DHCR7: variants seen among roughly 807,000 people sequenced by gnomAD.
The protein encoded by DHCR7 is 7-DHC reductase.
Under a neutral mutation model 43.3 loss-of-function variants are expected in DHCR7, and 40 were observed. The ratio of observed to expected loss-of-function variants is 0.92; its 90% CI spans 0.72 to 1.20. The LOEUF is 1.20. Ranked by LOEUF, DHCR7 falls within the 50% of genes most tolerant of loss-of-function variation. DHCR7 has a pLI of 0.00. For missense variants in DHCR7, 608 were observed against 644.6 expected (o/e 0.94, Z 0.62); for synonymous variants, 298 against 271.4 (o/e 1.10, Z -0.96).
rs28364773 is a variant in DHCR7, at chr11:71,439,144, C to T, written c.627-61G>A. 8,749 of 1,506,764 alleles carry T rather than the reference C, an allele frequency of 5.8e-3. 240 individuals are homozygous for T. In the East Asian group the frequency reaches 0.07, roughly 12 times the overall value. 93.3% of individuals were successfully genotyped at this position (1,506,764 alleles called of 1,614,324 possible). On this transcript the variant is annotated intron_variant, in intron 6 of 8. Coordinates refer to ENST00000355527, the MANE Select transcript of DHCR7 (RefSeq NM_001360.3). ...GAGCATATCTCACAAGATGAAGCCA[C>T]CTTACTTAGCGAGAGCCCAGCACTG...
upstream of DHCR7, chr11:71,448,841 AG>A (rs1047569608): frequency 1.3e-5 from 2 of 152,328 alleles, no homozygotes; most frequent in Admixed American, 1.3e-4. Context: ...TCTTGGTCCT[AG>A]GGCTCACGTC....
chr11:71,436,966 G>T lies in DHCR7; in HGVS notation c.963+846C>A, dbSNP rs528010105. ...TGGAAAATGGAGTTTATAAAACCAG[G>T]GAACCAGCAGACCTGCAGCCAGCCA... On this transcript the variant is annotated intron_variant, in intron 8 of 8. Transcript: ENST00000355527. Among the ~76,000 whole-genome samples, 32 of 152,164 alleles carry T rather than the reference G, an allele frequency of 2.1e-4. 1 individual carries two copies. The highest frequency in any genetic ancestry group is 1.0e-4 in the Non-Finnish European group (7 of 68,026).
chr11:71,429,470 G>A (rs1042089199), downstream of DHCR7, among the ~76,000 whole-genome samples: 1 of 152,188 alleles, frequency 6.6e-6, no homozygotes, highest in Admixed American at 6.5e-5. Flanking sequence ...AGCCTGGGAC[G>A]GGGGCACCCG....
At chr11:71,444,367 G>T in intron 3 of DHCR7, 152 bp from the exon 4 acceptor site, 1 of 673,886 alleles carries the variant, frequency 1.5e-6, no homozygotes, top group Non-Finnish European at 2.7e-6. Context: ...CCTCCTTGCG[G>T]CCAGGGAAGC....
chr11:71,441,430 G>T lies in DHCR7; in HGVS notation c.423C>A (p.Asn141Lys). 6.2e-7 allele frequency: 1 copy of T among 1,612,728 alleles called. No individual in the cohort carries two copies. Among genetic ancestry groups the T allele is most frequent in the Non-Finnish European group, 8.5e-7 (1 of 1,179,170 alleles). The change falls in exon 6 of 9, where the codon AAC (asparagine) becomes AAA (lysine). Residue 141 changes from asparagine (N) to lysine (K), a missense_variant. Physicochemically the swap from Asn to Lys is moderately conservative, Grantham distance 94. Transcript: ENST00000355527. Reference protein sequence around the residue: ...EGAVTPAGVVNKYQINGLQAW... With the variant: ...EGAVTPAGVVKKYQINGLQAW... ...CTTGCAGGCCATTGATCTGATACTT[G>T]TTCACAACCCCTGCAGATGAAGGAT...
chr11:71,433,515 A>G (rs1027456875), downstream of DHCR7, among the ~76,000 whole-genome samples: 1 of 152,228 alleles, frequency 6.6e-6, no homozygotes, highest in African/African-American at 2.4e-5. Context: ...CTGAACCAAG[A>G]GCTCTCCCAG....
chr11:71,442,016 G>A (rs1260162159), intron 5 of DHCR7, among the ~76,000 whole-genome samples: 2 of 152,198 alleles, frequency 1.3e-5, no homozygotes, highest in African/African-American at 4.8e-5. Context: ...TGCATCCCCT[G>A]CTATGGGGCT....
chr11:71,439,115 G>A (rs776941576), intron 6 of DHCR7, 32 bp from the exon 7 acceptor site: 2 of 1,588,260 alleles, frequency 1.3e-6, no homozygotes, highest in Admixed American at 3.4e-5. Flanking sequence ...TACATTTAGT[G>A]GATGAGCATA....
chr11:71,435,454 C>A lies in DHCR7; in HGVS notation c.1349G>T (p.Arg450Leu), dbSNP rs542266962. 61 of 1,612,542 alleles carry A rather than the reference C, an allele frequency of 3.8e-5. No individual in the cohort carries two copies. The highest frequency in any genetic ancestry group is 5.2e-5 in the Non-Finnish European group (61 of 1,179,982). The change falls in exon 9 of 9, where the codon CGC (arginine) becomes CTC (leucine). Residue 450 changes from arginine to leucine, a missense_variant. Coordinates refer to ENST00000355527, the MANE Select transcript of DHCR7 (RefSeq NM_001360.3). ...LTHRCLRDEH[R>L]CASKYGRDWE... ...GTCCCGGCCGTACTTGCTGGCGCAG[C>A]GGTGCTCGTCCCGGAGGCAGCGGTG...
At chr11:71,445,550 A>G (rs1017615115) in intron 2 of DHCR7, among the ~76,000 whole-genome samples, 3 of 152,090 alleles carry the variant, frequency 2.0e-5, no homozygotes, top group African/African-American at 7.2e-5. Context: ...GTGTGTGTGT[A>G]TTGTCTGTCT....
chr11:71,438,084 T>G, intron 7 of DHCR7, 141 bp from the exon 8 acceptor site: 1 of 1,006,198 alleles, frequency 9.9e-7, no homozygotes, highest in Non-Finnish European at 1.5e-6. Flanking sequence ...GGCTGTTCCT[T>G]CCCTGCGGCT....
upstream of DHCR7, chr11:71,448,668 G>C (rs889352658): frequency 3.3e-5 from 5 of 152,268 alleles, no homozygotes; most frequent in Non-Finnish European, 7.3e-5. Flanking sequence ...GGGGCGTGGC[G>C]GAGTGGCCAC....
At chr11:71,429,413 C>T (rs1027474347), downstream of DHCR7, among the ~76,000 whole-genome samples, 27 of 151,904 alleles carry the variant, frequency 1.8e-4, no homozygotes, top group East Asian at 3.9e-4. Flanking sequence ...AGACTGTGGG[C>T]GGGGGCAGGA....
intron 8 of DHCR7, 96 bp from the exon 9 acceptor site, chr11:71,435,935 GCTCT>G: frequency 3.0e-6 from 3 of 1,003,798 alleles, no homozygotes; most frequent in South Asian, 1.4e-5. Flanking sequence ...TCAAACCCCA[GCTCT>G]GCCTCTGACA....
downstream of DHCR7, among the ~76,000 whole-genome samples, chr11:71,431,827 CTTTAT>C (rs1949229615): frequency 6.6e-6 from 1 of 152,022 alleles, no homozygotes; most frequent in Non-Finnish European, 1.5e-5. Context: ...CATATGAAAA[CTTTAT>C]TTTTTTTGAG....
intron 4 of DHCR7, among the ~76,000 whole-genome samples, chr11:71,442,849 T>C (rs991982870): frequency 1.3e-5 from 2 of 152,160 alleles, no homozygotes; most frequent in Non-Finnish European, 2.9e-5. Flanking sequence ...AGTGCACAAT[T>C]CAGCGGCATT....
Position 71,435,519 on chromosome 11 carries a change from C to G in DHCR7, c.1284G>C (p.Leu428=). 1.2e-6 allele frequency: 2 copies of G among 1,611,462 alleles called. No individual in the cohort carries two copies. Among genetic ancestry groups the G allele is most frequent in the Non-Finnish European group, 8.5e-7 (1 of 1,179,672 alleles). ...CCATGTAGATGATGTAGAAGTAGGG[C>G]AGCAGGTGGCCGCCGCCACAGGCCA... The part of the protein sequence containing the change: ...YCLACGGGHL[L]PYFYIIYMAI... Residue 428 remains leucine, a synonymous_variant, in exon 9 of 9, where the codon CTG becomes CTC. Coordinates refer to ENST00000355527, the MANE Select transcript of DHCR7 (RefSeq NM_001360.3).
chr11:71,435,867 C>A (rs746110554), intron 8 of DHCR7, 28 bp from the exon 9 acceptor site: 1 of 1,573,500 alleles, frequency 6.4e-7, no homozygotes, highest in Non-Finnish European at 8.6e-7. Flanking sequence ...AGGGGTCAAG[C>A]GGTGCTTTGC....
chr11:71,429,783 G>A (rs1032404441), downstream of DHCR7, among the ~76,000 whole-genome samples: 1 of 152,148 alleles, frequency 6.6e-6, no homozygotes, highest in Non-Finnish European at 1.5e-5. Flanking sequence ...TGAGCCAGGT[G>A]GACTTGCCTG....
Sources: gnomAD v4.1 joint callset for allele counts (sites outside exome capture counted in the v4.1 genomes callset) on GRCh38, gnomAD v4.1.1 for gene constraint, MANE v1.5 for transcripts, NCBI Gene and HGNC (gene_info 2026-07-23, HGNC 2026-07-21) for gene names.